Variants in COL4A6 observed in about 807,000 individuals in gnomAD.
COL4A6 encodes the protein collagen alpha-6(IV) chain.
COL4A6 carries 59 observed loss-of-function variants against 126.7 expected under a neutral mutation model. The ratio of observed to expected loss-of-function variants is 0.47; its 90% CI spans 0.38 to 0.58. COL4A6 has a LOEUF of 0.58. COL4A6 is among the 20% of genes least tolerant of loss of function. The pLI, the probability that COL4A6 is intolerant of heterozygous loss-of-function variation, is 0.00. For missense variants in COL4A6, 1,285 were observed against 1,337.3 expected (o/e 0.96, Z 0.61); for synonymous variants, 547 against 496.6 (o/e 1.10, Z -1.35).
intron 2 of COL4A6, among the ~76,000 whole-genome samples, chrX:108,420,785 T>G (rs1423510216): frequency 9.0e-6 from 1 of 111,700 alleles, no homozygotes; most frequent in Non-Finnish European, 1.9e-5. Context: ...TCTTCAATGG[T>G]CCATCCAGAA....
chrX:108,362,822 T>C (rs1014132250), intron 2 of COL4A6, among the ~76,000 whole-genome samples: 2 of 111,597 alleles, frequency 1.8e-5, no homozygotes, highest in Admixed American at 9.5e-5. Context: ...AGGAGTCTTT[T>C]CTCCAGTCTC....
At chrX:108,354,160 C>CA (rs1261333495) in intron 2 of COL4A6, among the ~76,000 whole-genome samples, 35 of 103,169 alleles carry the variant, frequency 3.4e-4, no homozygotes, top group Admixed American at 5.2e-4. Context: ...GACTCCATCT[C>CA]AAAAAAAAAA....
chrX:108,187,785 A>AC (rs2034914974), intron 22 of COL4A6, 63 bp downstream of exon 22: 12 of 1,059,255 alleles, frequency 1.1e-5, no homozygotes, highest in Non-Finnish European at 1.5e-5. Context: ...TGGCCATCAG[A>AC]CCCCCCAACA....
chrX:108,377,106 G>T (rs190043177), intron 2 of COL4A6, among the ~76,000 whole-genome samples: 1 of 112,856 alleles, frequency 8.9e-6, no homozygotes, highest in Admixed American at 9.3e-5. Flanking sequence ...GGTAATAGTG[G>T]AGAGAAGGTC....
At chrX:108,283,690 C>A (rs2037922878) in intron 3 of COL4A6, among the ~76,000 whole-genome samples, 1 of 110,694 alleles carries the variant, frequency 9.0e-6, no homozygotes, top group African/African-American at 3.3e-5. Context: ...GATCTGACAT[C>A]CTTGATTACA....
chrX:108,402,201 T>C (rs1204796923), intron 2 of COL4A6, among the ~76,000 whole-genome samples: 1 of 111,554 alleles, frequency 9.0e-6, no homozygotes, highest in African/African-American at 3.2e-5. Context: ...ATCTGTTTCA[T>C]AAAAGATTAG....
intron 13 of COL4A6, among the ~76,000 whole-genome samples, chrX:108,198,782 C>A (rs369016312): frequency 4.5e-5 from 5 of 111,383 alleles, no homozygotes; most frequent in East Asian, 5.7e-4. Flanking sequence ...GGAGGCTCAA[C>A]TGAAGAACCC....
chrX:108,219,555 C>A, intron 5 of COL4A6, 143 bp downstream of exon 5: 1 of 547,495 alleles, frequency 1.8e-6, no homozygotes, highest in Non-Finnish European at 3.1e-6. Context: ...GTGACCACTG[C>A]CCTTTAAACC....
At chrX:108,241,826 T>C (rs899218760) in intron 3 of COL4A6, among the ~76,000 whole-genome samples, 2 of 109,932 alleles carry the variant, frequency 1.8e-5, no homozygotes, top group Non-Finnish European at 3.8e-5. Context: ...ATATTAGATT[T>C]ATAGAAAAGT....
chrX:108,166,496 A>G (rs1228176665), intron 37 of COL4A6, among the ~76,000 whole-genome samples: 1 of 112,523 alleles, frequency 8.9e-6, no homozygotes, highest in Non-Finnish European at 1.9e-5. Context: ...AAATGTTAAT[A>G]TCGAATTTTA....
intron 3 of COL4A6, among the ~76,000 whole-genome samples, chrX:108,248,696 A>T (rs60530203): frequency 0.085 from 9,337 of 109,990 alleles, 885 homozygotes; most frequent in African/African-American, 0.28. Flanking sequence ...AGAAGACATA[A>T]CCTCTATAGC....
intron 3 of COL4A6, among the ~76,000 whole-genome samples, chrX:108,258,361 A>AGTCT (rs916688460): frequency 2.7e-5 from 3 of 112,330 alleles, no homozygotes; most frequent in Non-Finnish European, 5.7e-5. Context: ...AAGACAAGCC[A>AGTCT]GTCTTGTAAT....
chrX:108,262,554 T>C (rs2037193507), intron 3 of COL4A6, among the ~76,000 whole-genome samples: 1 of 111,830 alleles, frequency 8.9e-6, no homozygotes, highest in South Asian at 3.8e-4. Context: ...AAAATGCATT[T>C]TGAAGAAGAA....
chrX:108,430,150 A>C (rs948489256), intron 2 of COL4A6, among the ~76,000 whole-genome samples: 4 of 112,099 alleles, frequency 3.6e-5, no homozygotes, highest in Non-Finnish European at 7.5e-5. Context: ...TCATAGAAAA[A>C]ATTATATTTG....
At chrX:108,159,377 T>C in intron 44 of COL4A6, 85 bp downstream of exon 44, 1 of 1,053,106 alleles carries the variant, frequency 9.5e-7, no homozygotes, top group Non-Finnish European at 1.3e-6. Context: ...ACTCTATGCT[T>C]TCTACCTGGT....
chrX:108,430,538 T>A (rs765663328), intron 2 of COL4A6, among the ~76,000 whole-genome samples: 6 of 111,835 alleles, frequency 5.4e-5, no homozygotes, highest in Admixed American at 1.9e-4. Context: ...CTAGTGGCAA[T>A]GTAGAGATAA....
At chrX:108,230,116 T>C (rs1476340072) in intron 3 of COL4A6, among the ~76,000 whole-genome samples, 1 of 111,293 alleles carries the variant, frequency 9.0e-6, no homozygotes, top group African/African-American at 3.3e-5. Context: ...TTTGGACAGG[T>C]GGAATTTAAG....
intron 3 of COL4A6, among the ~76,000 whole-genome samples, chrX:108,236,131 C>T (rs1425368195): frequency 9.0e-6 from 1 of 111,720 alleles, no homozygotes; most frequent in African/African-American, 3.3e-5. Context: ...CTGCCACGGC[C>T]AACAGTAGCA....
chrX:108,359,766 T>G (rs1291019225), intron 2 of COL4A6, among the ~76,000 whole-genome samples: 1 of 112,353 alleles, frequency 8.9e-6, no homozygotes, highest in Non-Finnish European at 1.9e-5. Flanking sequence ...TTTAAATGCT[T>G]ATATGTTCAG....
Sources: gnomAD v4.1 joint callset for allele counts (sites outside exome capture counted in the v4.1 genomes callset) on GRCh38, gnomAD v4.1.1 for gene constraint, MANE v1.5 for transcripts, NCBI Gene and HGNC (gene_info 2026-07-23, HGNC 2026-07-21) for gene names.